The following ZFYVE26 variants were observed in gnomAD, a reference collection of about 807,000 sequenced individuals.
The protein encoded by ZFYVE26 is zinc finger FYVE-type containing 26.
A neutral mutation model predicts 276.5 loss-of-function variants in ZFYVE26; 181 were observed. The observed-to-expected ratio is 0.65, with a 90% CI of 0.58 to 0.74. The LOEUF is 0.74. ZFYVE26 is among the 30% of genes least tolerant of loss of function. The pLI is 0.00. For missense variants in ZFYVE26, 2,821 were observed against 3,097.9 expected, an observed-to-expected ratio of 0.91 and a Z score of 2.12; for synonymous variants, 1,129 against 1,203.1, an observed-to-expected ratio of 0.94 and a Z score of 1.27.
At chr14:67,781,250 A>G (rs2039490128) in intron 22 of ZFYVE26, 83 bp downstream of exon 22, 3 of 1,519,770 alleles carry the variant, frequency 2.0e-6, no homozygotes, top group Non-Finnish European at 2.7e-6. Context: ...CTCTTTCTTA[A>G]AGTCCCCCAT....
chr14:67,769,801 C>G (rs1037597547), intron 28 of ZFYVE26, 71 bp from the exon 29 acceptor site: 1 of 1,605,242 alleles, frequency 6.2e-7, no homozygotes, highest in African/African-American at 1.3e-5. Context: ...TCCATTTATA[C>G]ATGGTATTAA....
At chr14:67,773,323 G>A (rs1248713006) in intron 27 of ZFYVE26, among the ~76,000 whole-genome samples, 1 of 152,072 alleles carries the variant, frequency 6.6e-6, no homozygotes, top group Non-Finnish European at 1.5e-5. Flanking sequence ...GGCCAAGGTG[G>A]GAGGATCACT....
chr14:67,790,828 G>A (rs1188556507), intron 14 of ZFYVE26, 55 bp from the exon 15 acceptor site: 37 of 1,530,124 alleles, frequency 2.4e-5, no homozygotes, highest in African/African-American at 1.1e-4. Context: ...TTTAGGGAAT[G>A]TCCATGGATA....
rs2040186883 is a variant in ZFYVE26 at position 67,806,657 on chromosome 14, T to A, written c.905A>T (p.Asp302Val). Residue 302 changes from aspartate to valine, a missense_variant, in exon 6 of 42, where the codon GAT (aspartate) becomes GTT (valine). Asp to Val is a radical substitution (Grantham distance 152). Transcript: ENST00000347230. ...CAGGGCTAGCATTGCCCGCTCAGGATCTAGATGATCCGGTGAGACTGAACA... is the reference window on the plus strand; with the variant it reads ...CAGGGCTAGCATTGCCCGCTCAGGAACTAGATGATCCGGTGAGACTGAACA... The part of the protein sequence containing the change: ...ASGKVSPDHL[D>V]PERAMLALFS... 2 of 1,614,022 alleles carry A rather than the reference T, an allele frequency of 1.2e-6. No homozygotes were observed. Among genetic ancestry groups the A allele is most frequent in the Non-Finnish European group, 1.7e-6 (2 of 1,180,020 alleles).
At chr14:67,762,470 C>T (rs1443183251) in intron 33 of ZFYVE26, 58 bp from the exon 34 acceptor site, 3 of 1,567,540 alleles carry the variant, frequency 1.9e-6, no homozygotes, top group Non-Finnish European at 2.6e-6. Flanking sequence ...CTAAATGTCC[C>T]AAAGACCTAT....
intron 28 of ZFYVE26, chr14:67,770,191 C>T (rs904261794): frequency 3.2e-4 from 78 of 244,234 alleles, no homozygotes; most frequent in African/African-American, 1.5e-3. Context: ...AGGCTGGGCG[C>T]GGTGGTTCAC....
At position 67,756,061 on chromosome 14, in the gene ZFYVE26, C is replaced by T; in HGVS notation, c.6673G>A (p.Glu2225Lys). Reference sequence around the variant, plus strand: ...CTCTCCAAGGTTGGATCAATGGATTCTAGCAAGTTCTCCAAAGTGTGTAGC... The same window carrying T: ...CTCTCCAAGGTTGGATCAATGGATTTTAGCAAGTTCTCCAAAGTGTGTAGC... ...GKLHTLENLL[E>K]SIDPTLESWG... is the part of the protein sequence containing the mutation. The change falls in exon 36 of 42, where the codon GAA becomes AAA. Residue 2225 changes from glutamate (E) to lysine (K), a missense_variant. Coordinates refer to ENST00000347230, the MANE Select transcript of ZFYVE26 (RefSeq NM_015346.4). 1 of 1,614,214 alleles carries T rather than the reference C, an allele frequency of 6.2e-7. No individual in the cohort carries two copies. The highest frequency in any genetic ancestry group is 8.5e-7 in the Non-Finnish European group (1 of 1,180,028).
chr14:67,799,585 T>G (rs2040038263), intron 10 of ZFYVE26: 3 of 1,492,514 alleles, frequency 2.0e-6, no homozygotes, highest in African/African-American at 1.4e-5. Context: ...GGAAAAAATC[T>G]GCTCTCAAGA....
rs781771080 is a variant in ZFYVE26 at position 67,753,717 on chromosome 14, C to T, written c.7178G>A (p.Arg2393His). The change falls in exon 39 of 42, where the codon CGT becomes CAT. Residue 2393 changes from arginine (R) to histidine (H), a missense_variant. Coordinates refer to ENST00000347230, the MANE Select transcript of ZFYVE26 (RefSeq NM_015346.4). ...TGATCCAAGTCATACCTGCAGAACA[C>T]GGAAAGCAATTCCAAAACCATCTTC... ...NVEDGFGIAF[R>H]VLQDFQLDAA... 18 of 1,613,454 alleles carry T rather than the reference C, an allele frequency of 1.1e-5. No homozygotes were observed. Among genetic ancestry groups the T allele is most frequent in the Admixed American group, 6.7e-5 (4 of 59,950 alleles).
At chr14:67,755,316 G>C (rs1809364020) in intron 36 of ZFYVE26, 66 bp from the exon 37 acceptor site, 10 of 1,568,100 alleles carry the variant, frequency 6.4e-6, no homozygotes, top group Non-Finnish European at 8.7e-6. Flanking sequence ...GGTGTGATGA[G>C]AATTCTCATC....
chr14:67,785,676 T>C (rs1369221317), intron 18 of ZFYVE26, among the ~76,000 whole-genome samples, 182 bp downstream of exon 18: 1 of 152,180 alleles, frequency 6.6e-6, no homozygotes, highest in East Asian at 1.9e-4. Context: ...TTCTTTCAAT[T>C]GAGAGGTGGG....
At chr14:67,736,707 G>A (rs747907935) in intron 13 of ZFYVE26, among the ~76,000 whole-genome samples, 6 of 152,194 alleles carry the variant, frequency 3.9e-5, no homozygotes, top group Non-Finnish European at 8.8e-5. Context: ...ATTGTTTTAC[G>A]TTATGTATTC....
rs1379463405 is a variant in ZFYVE26 at position 67,762,058 on chromosome 14, T to A, written c.6369+145A>T. 3.7e-6 allele frequency: 3 copies of A among 802,960 alleles called. No individual in the cohort carries two copies. The East Asian group carries it at 8.0e-5, about 21-fold the overall frequency. 49.7% of individuals were successfully genotyped at this position (802,960 alleles called of 1,614,324 possible). A position where few individuals can be genotyped will look rare whatever the true frequency, so the allele number is the denominator to read the frequency against. On this transcript the variant is annotated intron_variant, in intron 34 of 41. Coordinates refer to ENST00000347230, the MANE Select transcript of ZFYVE26 (RefSeq NM_015346.4). ...ATATGGTTACTTATCTAACTATATG[T>A]GATGGAAAAAAAAAATTTTTAACCT...
At chr14:67,748,979 T>C (rs1366348992) in intron 41 of ZFYVE26, among the ~76,000 whole-genome samples, 1 of 152,204 alleles carries the variant, frequency 6.6e-6, no homozygotes, top group Non-Finnish European at 1.5e-5. Flanking sequence ...AGGATCAGCA[T>C]TGCTCTCGCC....
intron 16 of ZFYVE26, 74 bp from the exon 17 acceptor site, chr14:67,786,307 T>C (rs2039658611): frequency 2.0e-6 from 3 of 1,506,386 alleles, no homozygotes; most frequent in South Asian, 2.5e-5. Context: ...CACTCAGTCC[T>C]GTATTTACCT....
intron 19 of ZFYVE26, 43 bp from the exon 20 acceptor site, chr14:67,784,479 G>A: frequency 6.4e-7 from 1 of 1,561,562 alleles, no homozygotes; most frequent in Non-Finnish European, 8.8e-7. Context: ...ACCACTGACT[G>A]CAAGAGTTCA....
At chr14:67,750,619 T>G (rs1275542628) in intron 41 of ZFYVE26, 1 of 230,036 alleles carries the variant, frequency 4.3e-6, no homozygotes, top group African/African-American at 2.3e-5. Context: ...TGTTGGACAT[T>G]GTTGGTCAAA....
rs1406633327 is a variant in ZFYVE26, at chr14:67,761,301, G to A, written c.6588+65C>T. The stretch of plus-strand genomic sequence containing the variant: ...TCAGGGGGTTATTGTCCCGCTTAAG[G>A]CTGAGTGGTCCAAGCCAGAGGAGTA... On this transcript the variant is annotated intron_variant, in intron 35 of 41. Transcript: ENST00000347230. 10 of 1,455,424 alleles carry A rather than the reference G, an allele frequency of 6.9e-6. No individual in the cohort carries two copies. The East Asian group carries it at 2.4e-4, about 35-fold the overall frequency. The allele number at this position is 1,455,424 out of a possible 1,614,324, so 90.2% of individuals were successfully genotyped here. A position where few individuals can be genotyped will look rare whatever the true frequency, so the allele number is the denominator to read the frequency against.
At chr14:67,743,897 G>T (rs373530986), downstream of ZFYVE26, among the ~76,000 whole-genome samples, 6 of 152,312 alleles carry the variant, frequency 3.9e-5, no homozygotes, top group East Asian at 5.8e-4. Flanking sequence ...GAAGAGGTTT[G>T]ACAATGGTAG....
Sources: allele counts gnomAD v4.1 joint callset (sites outside exome capture counted in the v4.1 genomes callset), GRCh38; gene constraint gnomAD v4.1.1; transcripts MANE v1.5; gene names NCBI Gene and HGNC (gene_info 2026-07-23, HGNC 2026-07-21).